Variants in LRMDA observed in about 807,000 individuals in gnomAD.
LRMDA encodes the protein leucine rich melanocyte differentiation associated.
In LRMDA, 18 loss-of-function variants were observed where a neutral mutation model predicts 29.8. That is an observed-to-expected ratio of 0.60 (90% CI 0.42 to 0.90). The LOEUF is 0.90. LRMDA is among the 40% of genes least tolerant of loss of function. The probability of loss-of-function intolerance (pLI) is 0.00; values close to 1 mark genes in which losing one functional copy is unlikely to be tolerated. For missense variants in LRMDA, 273 were observed against 273.9 expected, an observed-to-expected ratio of 1.00 and a Z score of 0.02; for synonymous variants, 125 against 109.4, an observed-to-expected ratio of 1.14 and a Z score of -0.89.
At chr10:76,240,578 A>G (rs1342734456) in intron 5 of LRMDA, among the ~76,000 whole-genome samples, 1 of 150,296 alleles carries the variant, frequency 6.7e-6, no homozygotes, top group Non-Finnish European at 1.5e-5. Flanking sequence ...AGATTCCTTA[A>G]AGAACTAAAA....
At chr10:76,102,307 T>A (rs1336581616) in intron 5 of LRMDA, among the ~76,000 whole-genome samples, 24 of 152,208 alleles carry the variant, frequency 1.6e-4, no homozygotes, top group Non-Finnish European at 1.2e-4. Flanking sequence ...ACCGCGTTGT[T>A]GTGGGGTTTG....
At chr10:76,373,696 T>C (rs1407819120) in intron 6 of LRMDA, among the ~76,000 whole-genome samples, 1 of 152,178 alleles carries the variant, frequency 6.6e-6, no homozygotes, top group Non-Finnish European at 1.5e-5. Context: ...TTTTCACATA[T>C]GGATCATAAC....
chr10:76,120,370 C>G (rs913012585), intron 5 of LRMDA, among the ~76,000 whole-genome samples: 1 of 151,656 alleles, frequency 6.6e-6, no homozygotes, highest in African/African-American at 2.4e-5. Context: ...TGTATTTTAG[C>G]GGAGACAGGA....
chr10:75,819,617 T>G (rs1453137983), intron 2 of LRMDA, among the ~76,000 whole-genome samples: 3 of 152,080 alleles, frequency 2.0e-5, no homozygotes, highest in Non-Finnish European at 4.4e-5. Context: ...CATACTCCAG[T>G]GAAATTTGGT....
intron 5 of LRMDA, among the ~76,000 whole-genome samples, chr10:76,239,864 A>G (rs1360962264): frequency 6.6e-6 from 1 of 151,944 alleles, no homozygotes; most frequent in Non-Finnish European, 1.5e-5. Context: ...CTGTGAGGTG[A>G]TGGGTGTGTT....
intron 5 of LRMDA, among the ~76,000 whole-genome samples, chr10:76,290,123 A>G (rs985514508): frequency 2.2e-4 from 33 of 152,206 alleles, no homozygotes; most frequent in African/African-American, 7.7e-4. Context: ...TTACCAGTGT[A>G]TGTAGCAGAA....
At chr10:75,532,056 G>GAAAAAAAAAAAAAA (rs60697116) in intron 2 of LRMDA, among the ~76,000 whole-genome samples, 2 of 95,386 alleles carry the variant, frequency 2.1e-5, no homozygotes, top group African/African-American at 4.0e-5. Flanking sequence ...AAGAAAGAAA[G>GAAAAAAAAAAAAAA]AAAAAAAAAA....
intron 2 of LRMDA, among the ~76,000 whole-genome samples, chr10:75,952,489 C>A (rs1487390878): frequency 6.6e-6 from 1 of 152,102 alleles, no homozygotes; most frequent in Non-Finnish European, 1.5e-5. Context: ...CGTTTGTGTT[C>A]TCTCCCACTC....
At chr10:75,433,785 T>C (rs1488275124) in intron 1 of LRMDA, among the ~76,000 whole-genome samples, 1 of 152,152 alleles carries the variant, frequency 6.6e-6, no homozygotes, top group African/African-American at 2.4e-5. Flanking sequence ...AGAGACAACT[T>C]TCCCATATCC....
chr10:75,626,766 C>T (rs1841254973), intron 2 of LRMDA, among the ~76,000 whole-genome samples: 1 of 152,174 alleles, frequency 6.6e-6, no homozygotes, highest in South Asian at 2.1e-4. Flanking sequence ...AAGCCATCTT[C>T]TGCCTGTATG....
chr10:76,359,720 T>C (rs151031782), intron 6 of LRMDA, among the ~76,000 whole-genome samples: 13 of 152,288 alleles, frequency 8.5e-5, no homozygotes, highest in African/African-American at 2.9e-4. Flanking sequence ...CTTCTAATAG[T>C]CAAAGGACAC....
intron 5 of LRMDA, among the ~76,000 whole-genome samples, chr10:76,214,883 A>G (rs1589379524): frequency 6.6e-6 from 1 of 152,180 alleles, no homozygotes. Context: ...CTGCTATTGG[A>G]GTTGAATGAA....
At chr10:76,102,448 A>T (rs2132103653) in intron 5 of LRMDA, among the ~76,000 whole-genome samples, 1 of 152,050 alleles carries the variant, frequency 6.6e-6, no homozygotes, top group African/African-American at 2.4e-5. Flanking sequence ...GCGAATTCTC[A>T]TTGTTTAGCT....
intron 2 of LRMDA, among the ~76,000 whole-genome samples, chr10:75,666,442 A>G (rs1841823548): frequency 6.6e-6 from 1 of 151,932 alleles, no homozygotes; most frequent in Non-Finnish European, 1.5e-5. Context: ...CCTTTCTAAG[A>G]TCTGAAAAAA....
chr10:75,799,673 C>T lies in LRMDA; in HGVS notation c.132-236335C>T, dbSNP rs912508101. On this transcript the variant is annotated intron_variant, in intron 2 of 6. Transcript: ENST00000611255. ...GAGATCACAGGTGTGTGTTACTATT[C>T]CTAGCTTTGTGTGTGTGTGTGTGTG... 9.4e-5 allele frequency among the ~76,000 whole-genome samples: 12 copies of T among 128,226 alleles called. No individual in the cohort carries two copies. In the East Asian group the frequency reaches 2.3e-3, roughly 24 times the overall value. 84.1% of individuals were successfully genotyped at this position (128,226 alleles called of 152,430 possible). A position where few individuals can be genotyped will look rare whatever the true frequency, so the allele number is the denominator to read the frequency against.
At chr10:75,683,539 G>T (rs1472145470) in intron 2 of LRMDA, among the ~76,000 whole-genome samples, 1 of 152,148 alleles carries the variant, frequency 6.6e-6, no homozygotes, top group East Asian at 1.9e-4. Flanking sequence ...AACATTGCAT[G>T]CTACAGTAAT....
intron 5 of LRMDA, among the ~76,000 whole-genome samples, chr10:76,273,217 T>C (rs1482553074): frequency 1.3e-5 from 2 of 152,172 alleles, no homozygotes; most frequent in Non-Finnish European, 2.9e-5. Flanking sequence ...AAAACCTTTT[T>C]ATCTGGCTTC....
At chr10:75,492,201 C>G (rs1306624844) in intron 2 of LRMDA, among the ~76,000 whole-genome samples, 2 of 152,210 alleles carry the variant, frequency 1.3e-5, no homozygotes, top group East Asian at 3.8e-4. Context: ...AGCCAACTGA[C>G]CCTTTTGCTG....
At chr10:75,546,734 T>C (rs1177693733) in intron 2 of LRMDA, among the ~76,000 whole-genome samples, 2 of 152,184 alleles carry the variant, frequency 1.3e-5, no homozygotes, top group African/African-American at 4.8e-5. Context: ...AGAGAAGACC[T>C]ACACATATGG....
Sources: gnomAD v4.1 joint callset for allele counts (sites outside exome capture counted in the v4.1 genomes callset) on GRCh38, gnomAD v4.1.1 for gene constraint, MANE v1.5 for transcripts, NCBI Gene and HGNC (gene_info 2026-07-23, HGNC 2026-07-21) for gene names.